The following MACROD2 variants were observed in gnomAD, a reference collection of about 807,000 sequenced individuals.
MACROD2 encodes the protein mono-ADP ribosylhydrolase 2.
MACROD2 carries 36 observed loss-of-function variants against 70.4 expected under a neutral mutation model. The ratio of observed to expected loss-of-function variants is 0.51; its 90% CI spans 0.39 to 0.68. The LOEUF is 0.68. Among genes scored for constraint, MACROD2 ranks in the 30% least tolerant of loss-of-function variants. The pLI, the probability that MACROD2 is intolerant of heterozygous loss-of-function variation, is 0.00. For missense variants in MACROD2, 496 were observed against 538.4 expected (o/e 0.92, Z 0.78); for synonymous variants, 172 against 178.8 (o/e 0.96, Z 0.30).
chr20:14,441,734 C>A (rs2084125959), intron 3 of MACROD2, among the ~76,000 whole-genome samples: 1 of 152,152 alleles, frequency 6.6e-6, no homozygotes, highest in African/African-American at 2.4e-5. Flanking sequence ...TGGCATATTA[C>A]CTTTCTAGTT....
chr20:15,171,594 A>G (rs539040796), intron 5 of MACROD2, among the ~76,000 whole-genome samples: 4 of 151,794 alleles, frequency 2.6e-5, no homozygotes, highest in Non-Finnish European at 5.9e-5. Flanking sequence ...TAGCCCTTAC[A>G]TCCCACCATC....
At chr20:14,896,149 G>A (rs766299707) in intron 5 of MACROD2, among the ~76,000 whole-genome samples, 10 of 152,070 alleles carry the variant, frequency 6.6e-5, no homozygotes, top group Non-Finnish European at 1.3e-4. Context: ...ACAAAAATTA[G>A]CTGGGCGTGG....
Position 15,986,737 on chromosome 20 carries a change from T to G in MACROD2, c.996T>G (p.Asn332Lys). 1 of 1,613,016 alleles carries G rather than the reference T, an allele frequency of 6.2e-7. No individual in the cohort carries two copies. Among genetic ancestry groups the G allele is most frequent in the Non-Finnish European group, 8.5e-7 (1 of 1,179,076 alleles). ...CACTGTTTTGAACAGGACAAGAGAA[T>G]GATTCAACGAAGAATGAAATAAAAA... ...RDQDHPDGQE[N>K]DSTKNEIKIE... Residue 332 changes from asparagine to lysine, a missense_variant, in exon 14 of 18, where the codon AAT becomes AAG. Asn to Lys is a moderately conservative substitution (Grantham distance 94). Transcript: ENST00000684519.
At chr20:15,660,826 C>T (rs965628600) in intron 8 of MACROD2, among the ~76,000 whole-genome samples, 14 of 141,762 alleles carry the variant, frequency 9.9e-5, no homozygotes, top group African/African-American at 2.8e-4. Context: ...GACCCTTCAA[C>T]GTTATGTTTA....
chr20:15,520,880 G>A (rs993513747), intron 8 of MACROD2, among the ~76,000 whole-genome samples: 9 of 152,338 alleles, frequency 5.9e-5, no homozygotes, highest in Non-Finnish European at 1.2e-4. Context: ...TTGATAATGA[G>A]TTTGAAAACT....
intron 8 of MACROD2, among the ~76,000 whole-genome samples, chr20:15,533,762 T>TG (rs2047837497): frequency 1.3e-5 from 2 of 152,078 alleles, no homozygotes; most frequent in African/African-American, 2.4e-5. Context: ...AGTGATAGTG[T>TG]GGTCCTGGGA....
chr20:14,066,091 T>G (rs2148658365), intron 2 of MACROD2, among the ~76,000 whole-genome samples: 1 of 152,350 alleles, frequency 6.6e-6, no homozygotes, highest in Middle Eastern at 3.4e-3. Flanking sequence ...TTGTTGTGTT[T>G]AGATTTAGGT....
intron 13 of MACROD2, among the ~76,000 whole-genome samples, chr20:15,984,671 T>C (rs1311490059): frequency 6.6e-6 from 1 of 151,694 alleles, no homozygotes; most frequent in African/African-American, 2.4e-5. Context: ...GAACTTTCTT[T>C]ATGTCTTTGG....
intron 3 of MACROD2, among the ~76,000 whole-genome samples, chr20:14,138,140 T>G (rs2054824097): frequency 1.3e-5 from 2 of 152,182 alleles, no homozygotes; most frequent in Non-Finnish European, 2.9e-5. Flanking sequence ...AAGGGAACCT[T>G]ATACATTGTT....
chr20:16,043,100 A>C (rs1345330631), intron 16 of MACROD2, among the ~76,000 whole-genome samples: 1 of 152,102 alleles, frequency 6.6e-6, no homozygotes, highest in Non-Finnish European at 1.5e-5. Flanking sequence ...TGTGTTTGGC[A>C]GGCTCAAAGG....
At chr20:14,905,133 A>G (rs2073943650) in intron 5 of MACROD2, 1 of 152,150 alleles carries the variant, frequency 6.6e-6, no homozygotes, top group East Asian at 1.9e-4. Flanking sequence ...ACACAAGAGA[A>G]ATACCACAGA....
intron 5 of MACROD2, among the ~76,000 whole-genome samples, chr20:14,837,884 A>G (rs1326341198): frequency 1.3e-5 from 2 of 151,750 alleles, no homozygotes; most frequent in Admixed American, 1.3e-4. Context: ...TTTTTTTTCA[A>G]TGATACATTC....
chr20:14,513,334 A>G (rs2085051789), intron 4 of MACROD2, among the ~76,000 whole-genome samples: 1 of 152,150 alleles, frequency 6.6e-6, no homozygotes, highest in African/African-American at 2.4e-5. Context: ...AAGTTTAAAC[A>G]GGTCCTAACT....
At chr20:14,479,913 A>G (rs1166366986) in intron 3 of MACROD2, among the ~76,000 whole-genome samples, 1 of 152,198 alleles carries the variant, frequency 6.6e-6, no homozygotes, top group African/African-American at 2.4e-5. Context: ...GTCTTGCTTT[A>G]TCACCCAGGA....
intron 4 of MACROD2, among the ~76,000 whole-genome samples, chr20:14,536,289 C>G (rs1053890820): frequency 7.9e-5 from 12 of 152,050 alleles, no homozygotes; most frequent in African/African-American, 2.7e-4. Context: ...TTTCGACTAG[C>G]CAACACTTTG....
At chr20:14,190,484 T>C (rs1254778940) in intron 3 of MACROD2, among the ~76,000 whole-genome samples, 1 of 151,444 alleles carries the variant, frequency 6.6e-6, no homozygotes, top group Non-Finnish European at 1.5e-5. Flanking sequence ...GAAATGTGTA[T>C]GAAGTCTTCA....
At chr20:14,975,754 C>G (rs1273324489) in intron 5 of MACROD2, among the ~76,000 whole-genome samples, 1 of 152,122 alleles carries the variant, frequency 6.6e-6, no homozygotes, top group Non-Finnish European at 1.5e-5. Context: ...CCAGTGTTTA[C>G]TCACTCATAC....
intron 3 of MACROD2, among the ~76,000 whole-genome samples, chr20:14,217,054 G>C (rs1198128266): frequency 6.6e-6 from 1 of 152,170 alleles, no homozygotes; most frequent in Non-Finnish European, 1.5e-5. Context: ...TTGAAGAGGA[G>C]TGGTGAGAGT....
chr20:14,566,561 G>C (rs996346466), intron 4 of MACROD2: 7 of 151,816 alleles, frequency 4.6e-5, no homozygotes, highest in Non-Finnish European at 1.0e-4. Flanking sequence ...TTTTTCAACC[G>C]TAAGATGGGT....
Sources: allele counts gnomAD v4.1 joint callset (sites outside exome capture counted in the v4.1 genomes callset), GRCh38; gene constraint gnomAD v4.1.1; transcripts MANE v1.5; gene names NCBI Gene and HGNC (gene_info 2026-07-23, HGNC 2026-07-21).